The following STXBP5L variants were observed in gnomAD, a reference collection of about 807,000 sequenced individuals.
STXBP5L encodes syntaxin-binding protein 5-like.
STXBP5L carries 65 observed loss-of-function variants against 144.5 expected under a neutral mutation model. The observed-to-expected ratio is 0.45, with a 90% CI of 0.37 to 0.55. STXBP5L has a LOEUF of 0.55. Among genes scored for constraint, STXBP5L ranks in the 20% least tolerant of loss-of-function variants. The pLI is 0.00. For missense variants in STXBP5L, 1,298 were observed against 1,405.5 expected (o/e 0.92, Z 1.22); for synonymous variants, 505 against 469.6 (o/e 1.08, Z -0.97).
intron 10 of STXBP5L, among the ~76,000 whole-genome samples, chr3:121,213,284 G>T (rs1317072214): frequency 6.6e-6 from 1 of 151,822 alleles, no homozygotes; most frequent in East Asian, 1.9e-4. Context: ...TCCTTATCTT[G>T]TGCCTGTTTT....
chr3:121,069,922 G>A (rs973380494), intron 5 of STXBP5L, among the ~76,000 whole-genome samples: 1 of 152,150 alleles, frequency 6.6e-6, no homozygotes, highest in East Asian at 1.9e-4. Flanking sequence ...TCTTTTTGAT[G>A]TAGGCATTTA....
intron 19 of STXBP5L, among the ~76,000 whole-genome samples, chr3:121,306,059 A>G (rs564596119): frequency 8.7e-4 from 132 of 152,240 alleles, no homozygotes; most frequent in Non-Finnish European, 1.5e-3. Flanking sequence ...GAGGAGTATC[A>G]TAGACTTATT....
intron 6 of STXBP5L, among the ~76,000 whole-genome samples, chr3:121,120,237 A>G (rs2044398233): frequency 6.6e-6 from 1 of 151,328 alleles, no homozygotes. Flanking sequence ...TTTGTTGGCA[A>G]TTATGAATTC....
intron 10 of STXBP5L, among the ~76,000 whole-genome samples, chr3:121,215,784 T>C (rs1383759062): frequency 6.6e-6 from 1 of 152,230 alleles, no homozygotes; most frequent in Non-Finnish European, 1.5e-5. Context: ...CTGGATAATA[T>C]CCTGAAGAGT....
intron 9 of STXBP5L, among the ~76,000 whole-genome samples, chr3:121,194,517 A>T (rs998052812): frequency 1.3e-5 from 2 of 151,968 alleles, no homozygotes; most frequent in Admixed American, 1.3e-4. Context: ...GCCTTGAAAA[A>T]AAAAAAGTAA....
At chr3:121,323,857 C>T (rs2044057664) in intron 20 of STXBP5L, among the ~76,000 whole-genome samples, 1 of 152,254 alleles carries the variant, frequency 6.6e-6, no homozygotes, top group Non-Finnish European at 1.5e-5. Context: ...GGACTACAAC[C>T]TCTTAAAGAG....
intron 9 of STXBP5L, among the ~76,000 whole-genome samples, chr3:121,201,203 T>C (rs1392995377): frequency 2.0e-5 from 3 of 152,228 alleles, no homozygotes; most frequent in Non-Finnish European, 4.4e-5. Context: ...TACCACTGTA[T>C]TGGGAGCATA....
intron 9 of STXBP5L, among the ~76,000 whole-genome samples, chr3:121,171,638 A>G (rs1447155426): frequency 6.6e-6 from 1 of 152,212 alleles, no homozygotes; most frequent in African/African-American, 2.4e-5. Flanking sequence ...AATACAACTT[A>G]CAAGGGATGT....
At chr3:120,989,033 T>C (rs1942576479) in intron 3 of STXBP5L, among the ~76,000 whole-genome samples, 1 of 152,172 alleles carries the variant, frequency 6.6e-6, no homozygotes, top group Non-Finnish European at 1.5e-5. Context: ...CCATGGAATA[T>C]ATATACACCA....
chr3:121,084,619 T>A (rs759775930), intron 5 of STXBP5L, among the ~76,000 whole-genome samples: 1 of 152,232 alleles, frequency 6.6e-6, no homozygotes, highest in Non-Finnish European at 1.5e-5. Context: ...GATGGGCATT[T>A]GGGTTGATTC....
chr3:121,191,997 A>G (rs999031146), intron 9 of STXBP5L, among the ~76,000 whole-genome samples: 1 of 152,178 alleles, frequency 6.6e-6, no homozygotes, highest in African/African-American at 2.4e-5. Context: ...CCTAATGTAA[A>G]TGATGAGTTA....
intron 5 of STXBP5L, among the ~76,000 whole-genome samples, chr3:121,071,679 G>A (rs1258141175): frequency 6.6e-6 from 1 of 152,206 alleles, no homozygotes; most frequent in African/African-American, 2.4e-5. Flanking sequence ...TTGACCCAGA[G>A]TCTCCAGGTT....
At chr3:121,025,022 A>G (rs191334189) in intron 3 of STXBP5L, among the ~76,000 whole-genome samples, 9 of 152,284 alleles carry the variant, frequency 5.9e-5, no homozygotes, top group Non-Finnish European at 4.4e-5. Context: ...GGTGGCAAAT[A>G]TTCCCCAAAT....
chr3:121,018,985 C>T (rs765396760), intron 3 of STXBP5L, among the ~76,000 whole-genome samples: 1 of 152,166 alleles, frequency 6.6e-6, no homozygotes, highest in Non-Finnish European at 1.5e-5. Flanking sequence ...AGATTCTCAG[C>T]CCTGCTCACC....
intron 6 of STXBP5L, among the ~76,000 whole-genome samples, chr3:121,119,867 A>G (rs2044383530): frequency 6.6e-6 from 1 of 151,322 alleles, no homozygotes; most frequent in African/African-American, 2.4e-5. Context: ...CTGAAAAAGC[A>G]ACTACAAATA....
chr3:120,987,325 C>T (rs985499770), intron 3 of STXBP5L, among the ~76,000 whole-genome samples: 2 of 151,886 alleles, frequency 1.3e-5, no homozygotes, highest in Non-Finnish European at 2.9e-5. Flanking sequence ...TTTGATAATG[C>T]TGTAGTAAGA....
Position 121,313,845 on chromosome 3 carries a change from C to T in STXBP5L, c.2111-4630C>T, listed in dbSNP as rs1363386866. 7.0e-4 allele frequency among the ~76,000 whole-genome samples: 98 copies of T among 139,048 alleles called. 1 individual carries two copies. In the East Asian group the frequency reaches 7.5e-3, roughly 11 times the overall value. The allele number at this position is 139,048 out of a possible 152,430, so 91.2% of individuals were successfully genotyped here. On this transcript the variant is annotated intron_variant, in intron 19 of 26. Coordinates refer to ENST00000471454, the MANE Select transcript of STXBP5L (RefSeq NM_001308330.2). Reference sequence around the variant, plus strand: ...GGGGCTCCTCACTTCTCAGACGGGGCGGTTGCCAGGCAGAGGGTTTCCTCA... The same window carrying T: ...GGGGCTCCTCACTTCTCAGACGGGGTGGTTGCCAGGCAGAGGGTTTCCTCA...
intron 9 of STXBP5L, among the ~76,000 whole-genome samples, chr3:121,191,211 C>T (rs957876146): frequency 3.3e-5 from 5 of 152,118 alleles, no homozygotes; most frequent in African/African-American, 9.7e-5. Context: ...GAGGTTGTAG[C>T]GAGCCGAGAT....
At chr3:121,027,178 C>T (rs981769885) in intron 3 of STXBP5L, among the ~76,000 whole-genome samples, 3 of 149,326 alleles carry the variant, frequency 2.0e-5, no homozygotes, top group Non-Finnish European at 4.4e-5. Context: ...ATCCTATAAG[C>T]ACATGATCAA....
Sources: gnomAD v4.1 joint callset for allele counts (sites outside exome capture counted in the v4.1 genomes callset) on GRCh38, gnomAD v4.1.1 for gene constraint, MANE v1.5 for transcripts, NCBI Gene and HGNC (gene_info 2026-07-23, HGNC 2026-07-21) for gene names.